Variants in LGR5 observed in about 807,000 individuals in gnomAD.
LGR5 encodes the protein leucine-rich repeat-containing G protein-coupled receptor 5.
In LGR5, 54 loss-of-function variants were observed where a neutral mutation model predicts 76.7. The observed-to-expected ratio is 0.70, with a 90% CI of 0.57 to 0.88. LGR5 has a LOEUF of 0.88. Ranked by LOEUF, LGR5 falls within the 40% of genes least tolerant of loss-of-function variation. The probability of loss-of-function intolerance (pLI) is 0.00; values close to 1 mark genes in which losing one functional copy is unlikely to be tolerated. For synonymous variants in LGR5, 406 were observed against 421.9 expected (o/e 0.96, Z 0.46); for missense variants, 1,078 against 1,073.3 (o/e 1.00, Z -0.06).
At chr12:71,501,832 G>T (rs1285044533) in intron 1 of LGR5, among the ~76,000 whole-genome samples, 1 of 152,102 alleles carries the variant, frequency 6.6e-6, no homozygotes. Context: ...GTCTTTCACC[G>T]TGGATAGTTT....
Position 71,440,281 on chromosome 12 carries a change from C to T in LGR5, c.201C>T (p.Phe67=), listed in dbSNP as rs1366759525. The change falls in exon 1 of 18, where the codon TTC becomes TTT. Residue 67 remains phenylalanine, a synonymous_variant. Transcript: ENST00000266674. The surrounding 1 kb of genome is among the most constrained non-coding windows in gnomAD (Gnocchi z 5.3). The stretch of plus-strand genomic sequence containing the variant: ...AGCTGCCTTCCAACCTCAGCGTCTT[C>T]ACCTCCTACCTGTAAGTACTTCCCC... The part of the protein sequence containing the change: ...LSELPSNLSV[F]TSYLDLSMNN... 1 of 1,611,024 alleles carries T rather than the reference C, an allele frequency of 6.2e-7. No homozygotes were observed. The highest frequency in any genetic ancestry group is 8.5e-7 in the Non-Finnish European group (1 of 1,179,904).
At chr12:71,513,062 G>A (rs1408720686) in intron 2 of LGR5, among the ~76,000 whole-genome samples, 1 of 152,160 alleles carries the variant, frequency 6.6e-6, no homozygotes, top group Non-Finnish European at 1.5e-5. Flanking sequence ...CTCCCAGAAT[G>A]TCTGGTTCCC....
chr12:71,510,180 T>C (rs530508787), intron 2 of LGR5, among the ~76,000 whole-genome samples: 13 of 152,216 alleles, frequency 8.5e-5, no homozygotes, highest in Non-Finnish European at 1.8e-4. Context: ...TTCAGGCCCC[T>C]TGGCCTTCTC....
chr12:71,554,978 C>T (rs926372443), intron 5 of LGR5, among the ~76,000 whole-genome samples: 2 of 152,102 alleles, frequency 1.3e-5, no homozygotes, highest in African/African-American at 2.4e-5. Flanking sequence ...ACTGGCCCAC[C>T]GCTCTCTTCA....
chr12:71,483,968 G>T (rs968495372), intron 1 of LGR5, among the ~76,000 whole-genome samples: 4 of 152,086 alleles, frequency 2.6e-5, no homozygotes, highest in Admixed American at 2.6e-4. Flanking sequence ...TAATCAAAAT[G>T]AGAAAACAGA....
chr12:71,486,755 T>C (rs1336104426), intron 1 of LGR5, among the ~76,000 whole-genome samples: 1 of 152,106 alleles, frequency 6.6e-6, no homozygotes. Flanking sequence ...ATTTAAAGTA[T>C]CATTAAAACT....
At chr12:71,513,186 G>A (rs538796327) in intron 2 of LGR5, among the ~76,000 whole-genome samples, 12 of 152,222 alleles carry the variant, frequency 7.9e-5, no homozygotes, top group African/African-American at 2.9e-4. Flanking sequence ...AAAGGTGTGA[G>A]GACAGAAACT....
At chr12:71,499,179 G>A (rs550238625) in intron 1 of LGR5, among the ~76,000 whole-genome samples, 206 of 152,294 alleles carry the variant, frequency 1.4e-3, no homozygotes, top group African/African-American at 4.1e-3. Flanking sequence ...AGGGAGTTGA[G>A]AGTATTGGTG....
In LGR5 at chr12:71,440,265, C is replaced by G. The variant is rs779176913; in HGVS notation, c.185C>G (p.Ser62Cys). ...CSDLGLSELP[S>C]NLSVFTSYLD... ...GACCTGGGGCTCTCGGAGCTGCCTT[C>G]CAACCTCAGCGTCTTCACCTCCTAC... is the stretch of plus-strand genomic sequence containing the variant. The change falls in exon 1 of 18, where the codon TCC (serine) becomes TGC (cysteine). Residue 62 changes from serine (S) to cysteine (C), a missense_variant. Ser to Cys is a moderately radical substitution (Grantham distance 112). Coordinates refer to ENST00000266674, the MANE Select transcript of LGR5 (RefSeq NM_003667.4). The surrounding 1 kb of genome is among the most constrained non-coding windows in gnomAD (Gnocchi z 5.3). 6 of 1,612,546 alleles carry G rather than the reference C, an allele frequency of 3.7e-6. No homozygotes were observed. The South Asian group carries it at 6.6e-5, about 18-fold the overall frequency.
At chr12:71,578,524 G>A (rs1005858246) in intron 14 of LGR5, among the ~76,000 whole-genome samples, 2 of 152,098 alleles carry the variant, frequency 1.3e-5, no homozygotes, top group Non-Finnish European at 2.9e-5. Flanking sequence ...ATTAAATATA[G>A]CACCTTCCCC....
At chr12:71,550,561 A>C (rs1333391092) in intron 4 of LGR5, among the ~76,000 whole-genome samples, 1 of 151,022 alleles carries the variant, frequency 6.6e-6, no homozygotes, top group Non-Finnish European at 1.5e-5. Flanking sequence ...CCTGGGTTCA[A>C]GCGATTCTCC....
At chr12:71,473,122 C>G (rs73138569) in intron 1 of LGR5, among the ~76,000 whole-genome samples, 7,003 of 152,182 alleles carry the variant, frequency 0.046, 176 homozygotes, top group African/African-American at 0.078. Context: ...AATCTCCACC[C>G]TCAAAGAGAT....
At chr12:71,475,282 A>G (rs1211631729) in intron 1 of LGR5, among the ~76,000 whole-genome samples, 1 of 152,232 alleles carries the variant, frequency 6.6e-6, no homozygotes, top group Non-Finnish European at 1.5e-5. Context: ...TATACTATAC[A>G]ATCTCCAAAA....
intron 2 of LGR5, among the ~76,000 whole-genome samples, chr12:71,514,034 C>A (rs917472571): frequency 6.6e-6 from 1 of 152,122 alleles, no homozygotes; most frequent in Admixed American, 6.5e-5. Context: ...GTAGTCCCAG[C>A]TACCAGAGAG....
chr12:71,582,981 G>A (rs1390651949), intron 17 of LGR5, among the ~76,000 whole-genome samples: 5 of 139,012 alleles, frequency 3.6e-5, no homozygotes, highest in African/African-American at 1.3e-4. Context: ...AGGAAGGAAG[G>A]AGAAGGGGAA....
intron 4 of LGR5, among the ~76,000 whole-genome samples, chr12:71,550,424 C>T (rs777431209): frequency 2.7e-5 from 4 of 147,888 alleles, no homozygotes; most frequent in East Asian, 2.0e-4. Flanking sequence ...TGAACCACTG[C>T]GCGCAGCCCA....
intron 1 of LGR5, among the ~76,000 whole-genome samples, chr12:71,479,134 T>G (rs1428243804): frequency 1.3e-5 from 2 of 151,178 alleles, no homozygotes; most frequent in African/African-American, 4.9e-5. Flanking sequence ...TTAATACGTT[T>G]TATTGGCTTC....
At chr12:71,458,800 C>G (rs1393378989) in intron 1 of LGR5, among the ~76,000 whole-genome samples, 1 of 152,062 alleles carries the variant, frequency 6.6e-6, no homozygotes, top group African/African-American at 2.4e-5. Flanking sequence ...TGTACACAAT[C>G]CTTGCCTTTG....
intron 1 of LGR5, among the ~76,000 whole-genome samples, chr12:71,468,433 T>A (rs764090400): frequency 2.4e-4 from 37 of 152,226 alleles, no homozygotes; most frequent in African/African-American, 8.0e-4. Context: ...GAAATGACTA[T>A]GTACCCAAGG....
Sources: gnomAD v4.1 joint callset for allele counts (sites outside exome capture counted in the v4.1 genomes callset) on GRCh38, gnomAD v4.1.1 for gene constraint, Gnocchi (gnomAD v3.1) non-coding constraint, MANE v1.5 for transcripts, NCBI Gene and HGNC (gene_info 2026-07-23, HGNC 2026-07-21) for gene names.